The following DPYD variants were observed in gnomAD, a reference collection of about 807,000 sequenced individuals.
DPYD encodes dihydropyrimidine dehydrogenase [NADP(+)].
In DPYD, 109 loss-of-function variants were observed where a neutral mutation model predicts 116.2. The ratio of observed to expected loss-of-function variants is 0.94; its 90% CI spans 0.80 to 1.10. The LOEUF (loss-of-function observed/expected upper bound fraction) is 1.10, where lower values mean the gene tolerates loss of function less well. Ranked by LOEUF, DPYD falls within the 50% of genes least tolerant of loss-of-function variation. DPYD has a pLI of 0.00. For synonymous variants in DPYD, 440 were observed against 432.0 expected, an observed-to-expected ratio of 1.02 and a Z score of -0.23; for missense variants, 1,302 against 1,254.5, an observed-to-expected ratio of 1.04 and a Z score of -0.57.
intron 13 of DPYD, among the ~76,000 whole-genome samples, chr1:97,493,334 A>G (rs1362299263): frequency 1.3e-5 from 2 of 152,216 alleles, no homozygotes; most frequent in Admixed American, 1.3e-4. Context: ...CCACTGTACT[A>G]AAACACAAGC....
intron 3 of DPYD, among the ~76,000 whole-genome samples, chr1:97,811,928 T>C (rs1668367515): frequency 6.6e-6 from 1 of 152,136 alleles, no homozygotes; most frequent in South Asian, 2.1e-4. Flanking sequence ...GAAGGTATCA[T>C]TAAGATTAGA....
rs928046188 is a variant in DPYD, at chr1:97,420,708, C to A, written c.1905+29351G>T. Among the ~76,000 whole-genome samples the A allele has an allele frequency of 3.9e-5, 6 of 152,086 alleles. No homozygotes were observed. In the South Asian group the frequency reaches 1.2e-3, roughly 32 times the overall value. ...TATTCAGCACTCAGGCAGTACAGAGCCATTTGTAGTTCCCGGTTGTGAAAT... is the reference window on the plus strand; with the variant it reads ...TATTCAGCACTCAGGCAGTACAGAGACATTTGTAGTTCCCGGTTGTGAAAT... On this transcript the variant is annotated intron_variant, in intron 14 of 22. Coordinates refer to ENST00000370192, the MANE Select transcript of DPYD (RefSeq NM_000110.4).
chr1:97,819,451 C>G (rs1668806969), intron 3 of DPYD, among the ~76,000 whole-genome samples: 1 of 151,778 alleles, frequency 6.6e-6, no homozygotes, highest in Non-Finnish European at 1.5e-5. Context: ...TTTTTCAACA[C>G]TTTGAAAATT....
intron 16 of DPYD, among the ~76,000 whole-genome samples, chr1:97,367,326 TAGAAC>T (rs1054012867): frequency 6.6e-6 from 1 of 151,904 alleles, no homozygotes; most frequent in African/African-American, 2.4e-5. Flanking sequence ...AGTTTGAACA[TAGAAC>T]AGATCGTGAA....
Position 97,799,562 on chromosome 1 carries a change from T to A in DPYD, c.233+28552A>T, listed in dbSNP as rs557869313. ...ATCATAACCTGAAATAAACATATGT[T>A]GCTACTCTGTGATTTGGTCTTTATC... On this transcript the variant is annotated intron_variant, in intron 3 of 22. Transcript: ENST00000370192. Among the ~76,000 whole-genome samples the A allele has an allele frequency of 2.0e-5, 3 of 152,098 alleles. No homozygotes were observed. In the South Asian group the frequency reaches 6.2e-4, roughly 32 times the overall value.
At chr1:97,347,288 T>C (rs1239399739) in intron 16 of DPYD, among the ~76,000 whole-genome samples, 4 of 151,976 alleles carry the variant, frequency 2.6e-5, no homozygotes, top group Non-Finnish European at 5.9e-5. Flanking sequence ...TTTAAGGAAG[T>C]TCCTTCCTAT....
chr1:97,775,835 G>T (rs1013072801), intron 3 of DPYD, among the ~76,000 whole-genome samples: 1 of 152,038 alleles, frequency 6.6e-6, no homozygotes. Context: ...CCCACATTGG[G>T]TCATCATTTA....
intron 8 of DPYD, among the ~76,000 whole-genome samples, chr1:97,671,272 C>T (rs1659845467): frequency 6.6e-6 from 1 of 151,958 alleles, no homozygotes; most frequent in Non-Finnish European, 1.5e-5. Flanking sequence ...TAGAAAAAGC[C>T]ATGATTTTAA....
intron 1 of DPYD, among the ~76,000 whole-genome samples, chr1:97,889,697 A>T (rs1018579710): frequency 2.6e-5 from 4 of 152,060 alleles, no homozygotes; most frequent in African/African-American, 9.7e-5. Context: ...TGGATAGAAC[A>T]ACTAGGCAGA....
chr1:97,458,388 A>G (rs1246929556), intron 13 of DPYD, among the ~76,000 whole-genome samples: 3 of 152,084 alleles, frequency 2.0e-5, no homozygotes, highest in Non-Finnish European at 4.4e-5. Flanking sequence ...ACACATATAA[A>G]CCTACTGGAC....
intron 2 of DPYD, among the ~76,000 whole-genome samples, chr1:97,859,692 C>T (rs376903857): frequency 2.0e-5 from 3 of 152,048 alleles, no homozygotes; most frequent in Non-Finnish European, 4.4e-5. Flanking sequence ...AGACAAGCAA[C>T]GACAAGGATT....
intron 11 of DPYD, among the ~76,000 whole-genome samples, chr1:97,562,476 G>C (rs1652219106): frequency 6.6e-6 from 1 of 152,084 alleles, no homozygotes; most frequent in Admixed American, 6.6e-5. Context: ...ACTTTAAAGA[G>C]CTTTAGAATT....
chr1:97,309,494 C>G (rs1413393762), intron 16 of DPYD, among the ~76,000 whole-genome samples: 3 of 151,618 alleles, frequency 2.0e-5, no homozygotes, highest in Non-Finnish European at 4.4e-5. Context: ...ACTTGAAGCC[C>G]CTAAGAGAAT....
At chr1:97,175,690 C>T (rs968678825) in intron 20 of DPYD, among the ~76,000 whole-genome samples, 4 of 152,144 alleles carry the variant, frequency 2.6e-5, no homozygotes, top group Admixed American at 2.0e-4. Flanking sequence ...TCAACTGCCA[C>T]GTTCTATAAG....
chr1:97,575,748 C>T lies in DPYD; in HGVS notation c.1129-1778G>A, dbSNP rs573014732. ...TGAATCAAATTTGAAAACTGCTCTGCTGCTTATTTGGGATAGTTTCCTTAT... is the reference window on the plus strand; with the variant it reads ...TGAATCAAATTTGAAAACTGCTCTGTTGCTTATTTGGGATAGTTTCCTTAT... On this transcript the variant is annotated intron_variant, in intron 10 of 22. Transcript: ENST00000370192. Among the ~76,000 whole-genome samples, 8 of 152,294 alleles carry T rather than the reference C, an allele frequency of 5.3e-5. 1 individual carries two copies. In the South Asian group the frequency reaches 1.7e-3, roughly 32 times the overall value.
chr1:97,630,667 G>C (rs142668512), intron 8 of DPYD, among the ~76,000 whole-genome samples: 26 of 152,202 alleles, frequency 1.7e-4, no homozygotes, highest in Admixed American at 3.3e-4. Flanking sequence ...TTCAGGTCAA[G>C]TTTTGCTACC....
chr1:97,571,829 G>C (rs543298273), intron 11 of DPYD, among the ~76,000 whole-genome samples: 6 of 152,018 alleles, frequency 3.9e-5, no homozygotes, highest in African/African-American at 1.4e-4. Flanking sequence ...ATCCTATTGA[G>C]TAAGATCTTC....
At chr1:97,900,359 C>T (rs556586854) in intron 1 of DPYD, among the ~76,000 whole-genome samples, 7 of 151,862 alleles carry the variant, frequency 4.6e-5, no homozygotes, top group Non-Finnish European at 1.0e-4. Context: ...TACCCCAACA[C>T]CTGGTTTTTA....
At chr1:97,108,619 T>G (rs967336395) in intron 20 of DPYD, among the ~76,000 whole-genome samples, 9 of 152,140 alleles carry the variant, frequency 5.9e-5, no homozygotes, top group African/African-American at 2.2e-4. Flanking sequence ...ACTAAAGATA[T>G]TGTAGCTATT....
Sources: gnomAD v4.1 joint callset for allele counts (sites outside exome capture counted in the v4.1 genomes callset) on GRCh38, gnomAD v4.1.1 for gene constraint, MANE v1.5 for transcripts, NCBI Gene and HGNC (gene_info 2026-07-23, HGNC 2026-07-21) for gene names.